The following PIK3R3 variants were observed in gnomAD, a reference collection of about 807,000 sequenced individuals.
PIK3R3 encodes the protein phosphatidylinositol 3-kinase regulatory subunit gamma.
Under a neutral mutation model 62.9 loss-of-function variants are expected in PIK3R3, and 64 were observed. That is an observed-to-expected ratio of 1.02 (90% CI 0.83 to 1.25). The LOEUF (loss-of-function observed/expected upper bound fraction) is 1.25, where lower values mean the gene tolerates loss of function less well. Among genes scored for constraint, PIK3R3 ranks in the 50% most tolerant of loss-of-function variants. The pLI, the probability that PIK3R3 is intolerant of heterozygous loss-of-function variation, is 0.00. For missense variants in PIK3R3, 614 were observed against 561.6 expected (o/e 1.09, Z -0.94); for synonymous variants, 165 against 189.0 (o/e 0.87, Z 1.04).
At chr1:46,067,253 CATATATATATAT>C (rs71307629) in intron 3 of PIK3R3, among the ~76,000 whole-genome samples, 162 bp from the exon 4 acceptor site, 2 of 130,346 alleles carry the variant, frequency 1.5e-5, no homozygotes, top group Non-Finnish European at 3.2e-5. Flanking sequence ...TGTGTGTGAA[CATATATATATAT>C]ATATATATAT....
At position 46,041,018 on chromosome 1, in the gene PIK3R3, AG is replaced by A. The variant is rs1264009702; in HGVS notation, c.*2654del. ...TTGCATGTCAGTAGCTGGGTTCTCTAGCCAGGGGTATAATGAACCCCTCTGA... is the reference window on the plus strand; with the variant it reads ...TTGCATGTCAGTAGCTGGGTTCTCTACCAGGGGTATAATGAACCCCTCTGA... On this transcript the variant is annotated 3_prime_UTR_variant, in exon 10 of 10. Transcript: ENST00000262741. 1 of 165,270 alleles carries A rather than the reference AG, an allele frequency of 6.1e-6. No individual in the cohort carries two copies. Among genetic ancestry groups the A allele is most frequent in the Non-Finnish European group, 1.3e-5 (1 of 75,610 alleles). 10.2% of individuals were successfully genotyped at this position (165,270 alleles called of 1,614,324 possible).
At chr1:46,056,096 G>A in intron 6 of PIK3R3, 125 bp from the exon 7 acceptor site, 1 of 614,538 alleles carries the variant, frequency 1.6e-6, no homozygotes, top group Non-Finnish European at 2.7e-6. Context: ...TGTCACCCAG[G>A]CTGGAGTGTA....
intron 1 of PIK3R3, among the ~76,000 whole-genome samples, chr1:46,129,322 CAGG>C (rs1234463644): frequency 6.6e-6 from 1 of 152,000 alleles, no homozygotes; most frequent in African/African-American, 2.4e-5. Context: ...TGATGCACTC[CAGG>C]AGGAGAATTA....
the PIK3R3 span, among the ~76,000 whole-genome samples, chr1:46,164,424 A>AGAGG: frequency 4.2e-3 from 633 of 152,154 alleles, 1 homozygote; most frequent in Admixed American, 7.4e-3. Context: ...AGGCATTACC[A>AGAGG]CAGCCTCCTC....
the PIK3R3 span, among the ~76,000 whole-genome samples, chr1:46,164,387 G>A: frequency 7.2e-5 from 11 of 152,136 alleles, no homozygotes; most frequent in Non-Finnish European, 1.0e-4. Context: ...CCAACACTGT[G>A]GTTCATACCA....
chr1:46,055,827 G>GA lies in PIK3R3; in HGVS notation c.908dup (p.Gln304ProfsTer30). On this transcript the variant is annotated frameshift_variant, in exon 7 of 10. Transcript: ENST00000262741. LOFTEE classifies it high-confidence loss of function. ...GTTGATCTCGGATCTTTCGCAGCTG[G>GA]ATCAGGTCAGGTTTGATGCTATTCA... The GA allele has an allele frequency of 6.8e-7, 1 of 1,469,936 alleles. No individual in the cohort carries two copies. Among genetic ancestry groups the GA allele is most frequent in the East Asian group, 2.6e-5 (1 of 38,900 alleles). 91.1% of individuals were successfully genotyped at this position (1,469,936 alleles called of 1,614,324 possible).
intron 1 of PIK3R3, among the ~76,000 whole-genome samples, chr1:46,104,668 CCT>C (rs1486403397): frequency 6.6e-6 from 1 of 152,126 alleles, no homozygotes; most frequent in Non-Finnish European, 1.5e-5. Context: ...GTGGCGCACA[CCT>C]GTAATCCCAG....
intron 1 of PIK3R3, among the ~76,000 whole-genome samples, chr1:46,127,658 G>A (rs540029509): frequency 1.3e-5 from 2 of 152,244 alleles, no homozygotes; most frequent in East Asian, 3.9e-4. Context: ...CGAAGTCATA[G>A]CAAGACTAAC....
intron 3 of PIK3R3, among the ~76,000 whole-genome samples, chr1:46,073,117 A>T (rs1557581170): frequency 6.6e-6 from 1 of 152,144 alleles, no homozygotes; most frequent in Non-Finnish European, 1.5e-5. Flanking sequence ...GGAAGGGAGA[A>T]GAAAATAGAC....
At chr1:46,152,471 G>C in the PIK3R3 span, among the ~76,000 whole-genome samples, 2 of 152,086 alleles carry the variant, frequency 1.3e-5, no homozygotes, top group African/African-American at 4.8e-5. Context: ...GTGGCAATTG[G>C]GTTGTTTTCT....
chr1:46,120,096 G>A (rs1169790894), intron 1 of PIK3R3, among the ~76,000 whole-genome samples: 1 of 152,008 alleles, frequency 6.6e-6, no homozygotes, highest in Non-Finnish European at 1.5e-5. Flanking sequence ...GTATAGTTTT[G>A]CAAAATGTTC....
intron 1 of PIK3R3, among the ~76,000 whole-genome samples, chr1:46,113,382 C>T (rs1274797635): frequency 6.6e-6 from 1 of 151,180 alleles, no homozygotes; most frequent in East Asian, 1.9e-4. Flanking sequence ...TCACTGCAGC[C>T]TCCTGGGCTC....
intron 1 of PIK3R3, among the ~76,000 whole-genome samples, chr1:46,125,797 G>C (rs1325278783): frequency 6.7e-6 from 1 of 148,716 alleles, no homozygotes; most frequent in African/African-American, 2.5e-5. Context: ...GTCTTACTCT[G>C]TTGCCCAGGC....
chr1:46,097,991 C>A (rs1652304676), intron 1 of PIK3R3, among the ~76,000 whole-genome samples: 1 of 151,404 alleles, frequency 6.6e-6, no homozygotes. Flanking sequence ...TATTTGCATA[C>A]TCAATCATAA....
intron 1 of PIK3R3, among the ~76,000 whole-genome samples, chr1:46,117,573 C>T (rs948985262): frequency 6.6e-6 from 1 of 152,144 alleles, no homozygotes; most frequent in Non-Finnish European, 1.5e-5. Context: ...ATCTGAATCA[C>T]TTAACACTTC....
intron 7 of PIK3R3, among the ~76,000 whole-genome samples, chr1:46,049,558 G>A (rs542068714): frequency 6.6e-6 from 1 of 152,348 alleles, no homozygotes; most frequent in East Asian, 1.9e-4. Context: ...AGCCAGTGAT[G>A]AGATTACTGT....
At chr1:46,057,299 C>A (rs1557562060) in intron 6 of PIK3R3, 1 of 152,340 alleles carries the variant, frequency 6.6e-6, no homozygotes, top group Non-Finnish European at 1.5e-5. Flanking sequence ...CCTAATTAAG[C>A]CTCTTCCTTT....
chr1:46,114,862 G>A (rs1571538346), intron 1 of PIK3R3, among the ~76,000 whole-genome samples: 1 of 140,522 alleles, frequency 7.1e-6, no homozygotes, highest in South Asian at 2.3e-4. Context: ...TAATCCTCCC[G>A]CCTGGTCCTC....
At chr1:46,128,797 T>A (rs142994630) in intron 1 of PIK3R3, among the ~76,000 whole-genome samples, 2 of 151,906 alleles carry the variant, frequency 1.3e-5, no homozygotes, top group African/African-American at 4.8e-5. Flanking sequence ...GCTACAAGAG[T>A]AGGCCAGGCG....
Sources: gnomAD v4.1 joint callset for allele counts (sites outside exome capture counted in the v4.1 genomes callset) on GRCh38, gnomAD v4.1.1 for gene constraint, MANE v1.5 for transcripts, NCBI Gene and HGNC (gene_info 2026-07-23, HGNC 2026-07-21) for gene names.